Variants in NSUN7 observed in about 807,000 individuals in gnomAD.
NSUN7 encodes NOP2/Sun RNA methyltransferase family member 7, also known as protein NSUN7.
NSUN7 carries 39 observed loss-of-function variants against 58.5 expected under a neutral mutation model. The observed-to-expected ratio is 0.67, with a 90% CI of 0.52 to 0.87. The LOEUF (loss-of-function observed/expected upper bound fraction) is 0.87. Ranked by LOEUF, NSUN7 falls within the 40% of genes least tolerant of loss-of-function variation. The pLI is 0.00. For missense variants in NSUN7, 765 were observed against 844.1 expected (o/e 0.91, Z 1.16); for synonymous variants, 278 against 303.7 (o/e 0.92, Z 0.88).
At position 40,808,347 on chromosome 4, in the gene NSUN7, C is replaced by T. The variant is rs183163485; in HGVS notation, c.1565C>T (p.Ala522Val). Residue 522 changes from alanine to valine, a missense_variant, in exon 12 of 12, where the codon GCC becomes GTC. Transcript: ENST00000381782. ...SETVSVNDVL[A>V]RAAAKGLLDG... Reference sequence around the variant, plus strand: ...ACAGTGTCTGTGAATGATGTTTTGGCCCGAGCTGCAGCCAAGGGTCTGCTG... The same window carrying T: ...ACAGTGTCTGTGAATGATGTTTTGGTCCGAGCTGCAGCCAAGGGTCTGCTG... 6.2e-7 allele frequency: 1 copy of T among 1,613,876 alleles called. No individual in the cohort carries two copies. The highest frequency in any genetic ancestry group is 2.2e-5 in the East Asian group (1 of 44,874).
Position 40,775,200 on chromosome 4 carries a change from T to G in NSUN7, c.825+250T>G. ...ATTCCATGAATGGGAAGATTTGCAT[T>G]GCTGGCAGCTGTAAGGTTCTACTTT... is the stretch of plus-strand genomic sequence containing the variant. On this transcript the variant is annotated intron_variant, in intron 6 of 11. Transcript: ENST00000381782. This position sits in a 1 kb window ranked among gnomAD's most constrained non-coding sequence, Gnocchi z 4.3. The G allele has an allele frequency of 4.8e-6, 1 of 208,866 alleles. No individual in the cohort carries two copies. The highest frequency in any genetic ancestry group is 9.4e-6 in the Non-Finnish European group (1 of 106,086). The allele number at this position is 208,866 out of a possible 1,614,324, so 12.9% of individuals were successfully genotyped here.
At chr4:40,806,083 C>T (rs1010030454) in intron 10 of NSUN7, among the ~76,000 whole-genome samples, 1 of 152,106 alleles carries the variant, frequency 6.6e-6, no homozygotes, top group African/African-American at 2.4e-5. Context: ...TGGCTTGAAC[C>T]TCTCAGGTTC....
At chr4:40,759,028 C>T (rs538279077) in intron 2 of NSUN7, among the ~76,000 whole-genome samples, 4 of 152,158 alleles carry the variant, frequency 2.6e-5, no homozygotes, top group Admixed American at 1.3e-4. Flanking sequence ...ATTTGTTATA[C>T]GCCGGGCACG....
At position 40,774,442 on chromosome 4, in the gene NSUN7, A is replaced by G. The variant is rs761459101; in HGVS notation, c.641+25A>G. 7 of 1,599,106 alleles carry G rather than the reference A, an allele frequency of 4.4e-6. No individual in the cohort carries two copies. The African/African-American group carries it at 6.7e-5, about 15-fold the overall frequency. The stretch of plus-strand genomic sequence containing the variant: ...GGTAAGTGTTTAAATCAAATTCTTT[A>G]TATTTCAAGTCTCCATCCTTTTAAA... On this transcript the variant is annotated intron_variant, in intron 5 of 11. Coordinates refer to ENST00000381782, the MANE Select transcript of NSUN7 (RefSeq NM_024677.6).
rs1244708220 is a variant in NSUN7 at position 40,769,256 on chromosome 4, A to ACTATAC, written c.489-5008_489-5007insTATACC. Among the ~76,000 whole-genome samples the ACTATAC allele has an allele frequency of 4.6e-5, 7 of 152,350 alleles. No individual in the cohort carries two copies. The East Asian group carries it at 1.3e-3, about 29-fold the overall frequency. ...CTCTCACTTTCCTGCAATCTATTCC[A>ACTATAC]CATGGCAGGTAGAGTGATATTTTCA... On this transcript the variant is annotated intron_variant, in intron 4 of 11. Transcript: ENST00000381782.
intron 2 of NSUN7, among the ~76,000 whole-genome samples, chr4:40,759,600 C>T (rs534241520): frequency 6.6e-6 from 1 of 152,318 alleles, no homozygotes; most frequent in Admixed American, 6.5e-5. Context: ...CAATCTAACA[C>T]AAACTCTGAG....
At position 40,750,865 on chromosome 4, in the gene NSUN7, C is replaced by T; in HGVS notation, c.172C>T (p.Arg58Ter). 6.2e-7 allele frequency: 1 copy of T among 1,614,132 alleles called. No homozygotes were observed. The highest frequency in any genetic ancestry group is 8.5e-7 in the Non-Finnish European group (1 of 1,180,016). Residue 58 changes from arginine (R) to a stop codon, truncating the protein, a stop_gained, in exon 2 of 12, where the codon CGA becomes TGA. Transcript: ENST00000381782. LOFTEE classifies it high-confidence loss of function. Reference sequence around the variant, plus strand: ...GGCAGCCAACATTTTTCAGGGTATTCGAATCGAAAAGTCGGCACAGAAAGT... The same window carrying T: ...GGCAGCCAACATTTTTCAGGGTATTTGAATCGAAAAGTCGGCACAGAAAGT... ...VMAANIFQGIRIEKSAQKVLI... is the reference protein window; with the variant it reads ...VMAANIFQGI
chr4:40,761,592 C>T (rs1741465375), intron 4 of NSUN7, among the ~76,000 whole-genome samples: 1 of 152,060 alleles, frequency 6.6e-6, no homozygotes, highest in African/African-American at 2.4e-5. Context: ...GTATTTGAAA[C>T]AGCTACTAAT....
rs146290077 is a variant in NSUN7 at position 40,761,238 on chromosome 4, G to A, written c.425G>A (p.Arg142His). ...TTCCAAGATAGAAAATTTCAAACTCGTGTCCTTTCTGATAATGAAGAGCCC... is the reference window on the plus strand; with the variant it reads ...TTCCAAGATAGAAAATTTCAAACTCATGTCCTTTCTGATAATGAAGAGCCC... ...YDFQDRKFQT[R>H]VLSDNEEPIS... Residue 142 changes from arginine (R) to histidine (H), a missense_variant, in exon 4 of 12, where the codon CGT becomes CAT. Coordinates refer to ENST00000381782, the MANE Select transcript of NSUN7 (RefSeq NM_024677.6). 4.1e-5 allele frequency: 65 copies of A among 1,589,104 alleles called. No homozygotes were observed. The highest frequency in any genetic ancestry group is 2.2e-4 in the African/African-American group (16 of 72,938).
At chr4:40,782,098 A>G (rs1236353330) in intron 7 of NSUN7, among the ~76,000 whole-genome samples, 3 of 152,224 alleles carry the variant, frequency 2.0e-5, no homozygotes, top group Non-Finnish European at 4.4e-5. Context: ...ACAAATTAGT[A>G]TATAGTAAGG....
intron 2 of NSUN7, 68 bp from the exon 3 acceptor site, chr4:40,760,366 A>G: frequency 8.7e-7 from 1 of 1,145,682 alleles, no homozygotes; most frequent in South Asian, 1.3e-5. Flanking sequence ...ATTACAGTGT[A>G]TTTTGATTCC....
At chr4:40,807,299 A>C in intron 11 of NSUN7, 115 bp downstream of exon 11, 1 of 960,284 alleles carries the variant, frequency 1.0e-6, no homozygotes, top group Non-Finnish European at 1.5e-6. Flanking sequence ...GCATTTCACA[A>C]ACACATTTCA....
At chr4:40,801,837 G>A (rs1743595878) in intron 10 of NSUN7, among the ~76,000 whole-genome samples, 1 of 150,450 alleles carries the variant, frequency 6.6e-6, no homozygotes, top group Non-Finnish European at 1.5e-5. Flanking sequence ...AAGAGGTTAA[G>A]GCTGTAGTGA....
intron 7 of NSUN7, among the ~76,000 whole-genome samples, chr4:40,790,244 A>G (rs1743019418): frequency 6.6e-6 from 1 of 152,178 alleles, no homozygotes; most frequent in African/African-American, 2.4e-5. Flanking sequence ...GAAGAAGGAA[A>G]TGGAGGCTCA....
At chr4:40,806,001 C>T (rs995909064) in intron 10 of NSUN7, among the ~76,000 whole-genome samples, 3 of 152,136 alleles carry the variant, frequency 2.0e-5, no homozygotes, top group African/African-American at 7.2e-5. Context: ...GCCACCACAC[C>T]TGGCTAATTT....
At chr4:40,767,525 G>A (rs1414244342) in intron 4 of NSUN7, among the ~76,000 whole-genome samples, 3 of 151,844 alleles carry the variant, frequency 2.0e-5, no homozygotes, top group African/African-American at 7.3e-5. Flanking sequence ...TTTTGGAATA[G>A]GTGTGGTGTG....
intron 7 of NSUN7, among the ~76,000 whole-genome samples, chr4:40,781,269 C>T (rs1418255806): frequency 5.3e-5 from 8 of 151,854 alleles, no homozygotes; most frequent in Non-Finnish European, 1.2e-4. Context: ...AGACTGGTCT[C>T]GAACTCCTGA....
rs761266139 is a variant in NSUN7 at position 40,790,679 on chromosome 4, C to T, written c.1114C>T (p.Leu372=). The T allele has an allele frequency of 1.9e-6, 3 of 1,603,098 alleles. No individual in the cohort carries two copies. The South Asian group carries it at 3.4e-5, about 18-fold the overall frequency. Reference sequence around the variant, plus strand: ...GTTACAGAAAGTTAAAGTGATTTTGCTGCTACCTCGTTGTTCAGGACTGGG... The same window carrying T: ...GTTACAGAAAGTTAAAGTGATTTTGTTGCTACCTCGTTGTTCAGGACTGGG... ...HRLQKVKVIL[L]LPRCSGLGVS... Residue 372 remains leucine (L), a synonymous_variant, in exon 8 of 12, where the codon CTG becomes TTG. Coordinates refer to ENST00000381782, the MANE Select transcript of NSUN7 (RefSeq NM_024677.6).
chr4:40,799,535 G>A (rs1216592735), intron 10 of NSUN7, among the ~76,000 whole-genome samples: 1 of 151,830 alleles, frequency 6.6e-6, no homozygotes, highest in Non-Finnish European at 1.5e-5. Flanking sequence ...CAAACGTGGA[G>A]GAATATTGAT....
Sources: gnomAD v4.1 joint callset for allele counts (sites outside exome capture counted in the v4.1 genomes callset) on GRCh38, gnomAD v4.1.1 for gene constraint, Gnocchi (gnomAD v3.1) non-coding constraint, MANE v1.5 for transcripts, NCBI Gene and HGNC (gene_info 2026-07-23, HGNC 2026-07-21) for gene names.